Variants in IFFO1 observed in about 807,000 individuals in gnomAD.
IFFO1 encodes the protein non-homologous end joining factor IFFO1.
In IFFO1, 42 loss-of-function variants were observed where a neutral mutation model predicts 59.6. That is an observed-to-expected ratio of 0.70 (90% CI 0.55 to 0.91). IFFO1 has a LOEUF of 0.91. Ranked by LOEUF, IFFO1 falls within the 40% of genes least tolerant of loss-of-function variation. The pLI, the probability that IFFO1 is intolerant of heterozygous loss-of-function variation, is 0.00. For synonymous variants in IFFO1, 336 were observed against 342.8 expected (o/e 0.98, Z 0.22); for missense variants, 711 against 793.2 (o/e 0.90, Z 1.24).
chr12:6,545,112 G>A (rs1946892397), intron 8 of IFFO1, among the ~76,000 whole-genome samples: 1 of 152,062 alleles, frequency 6.6e-6, no homozygotes, highest in African/African-American at 2.4e-5. Flanking sequence ...CTACTCTGGA[G>A]GCTGAGGCAG....
At position 6,541,620 on chromosome 12, in the gene IFFO1, T is replaced by C. The variant is rs1946717179; in HGVS notation, c.1502A>G (p.Asn501Ser). 2.5e-6 allele frequency: 4 copies of C among 1,614,152 alleles called. No individual in the cohort carries two copies. The highest frequency in any genetic ancestry group is 3.4e-6 in the Non-Finnish European group (4 of 1,180,014). The change falls in exon 9 of 10, where the codon AAC (asparagine) becomes AGC (serine). Residue 501 changes from asparagine to serine, a missense_variant. Physicochemically the swap from Asn to Ser is conservative, Grantham distance 46. Coordinates refer to ENST00000619571, the MANE Select transcript of IFFO1 (RefSeq NM_001193457.2). The surrounding 1 kb of genome is among the most constrained non-coding windows in gnomAD (Gnocchi z 4.8). ...CTCGTGCAGGTGCCGGTTCATGTCG[T>C]TCTTGGCCGTGGCCAACTCCAGCTG... The part of the protein sequence containing the change: ...QIELELATAK[N>S]DMNRHLHEYM...
chr12:6,555,170 C>T lies in IFFO1; in HGVS notation c.773+87G>A. 1.5e-6 allele frequency: 2 copies of T among 1,324,586 alleles called. No homozygotes were observed. Among genetic ancestry groups the T allele is most frequent in the Non-Finnish European group, 2.2e-6 (2 of 918,422 alleles). 82.1% of individuals were successfully genotyped at this position (1,324,586 alleles called of 1,614,324 possible). A position where few individuals can be genotyped will look rare whatever the true frequency, so the allele number is the denominator to read the frequency against. On this transcript the variant is annotated intron_variant, in intron 1 of 9. Transcript: ENST00000619571. The surrounding 1 kb of genome is among the most constrained non-coding windows in gnomAD (Gnocchi z 8.6). ...CAAACTTTACTCTCATTCTTTTCAC[C>T]CCTGATTCTTCGGAACCCACACCAA...
At position 6,555,367 on chromosome 12, in the gene IFFO1, C is replaced by G; in HGVS notation, c.663G>C (p.Trp221Cys). ...PTLVQGPGLS[W>C]VHPDGVGVQI... The stretch of plus-strand genomic sequence containing the variant: ...GGACGCCCACCCCATCCGGGTGCAC[C>G]CACGACAAGCCAGGCCCTTGCACCA... Residue 221 changes from tryptophan (W) to cysteine (C), a missense_variant, in exon 1 of 10, where the codon TGG (tryptophan) becomes TGC (cysteine). Around this residue, in one of 3 missense-constraint regions of IFFO1, gnomAD observed 579 missense variants for 650.3 expected, o/e 0.89. Coordinates refer to ENST00000619571, the MANE Select transcript of IFFO1 (RefSeq NM_001193457.2). This position sits in a 1 kb window ranked among gnomAD's most constrained non-coding sequence, Gnocchi z 8.6. 2.5e-6 allele frequency: 4 copies of G among 1,614,224 alleles called. No homozygotes were observed. In the South Asian group the frequency reaches 4.4e-5, roughly 18 times the overall value.
intron 1 of IFFO1, chr12:6,551,532 T>C (rs1406327096): frequency 1.6e-6 from 2 of 1,237,046 alleles, no homozygotes; most frequent in Non-Finnish European, 2.1e-6. Context: ...ATCAACAGAG[T>C]GGGTCAAGAG....
intron 1 of IFFO1, among the ~76,000 whole-genome samples, chr12:6,552,758 T>A (rs1413652571): frequency 6.6e-6 from 1 of 151,848 alleles, no homozygotes; most frequent in East Asian, 1.9e-4. Context: ...TCTTACAGGG[T>A]AAAAAAAATC....
chr12:6,548,873 T>G lies in IFFO1; in HGVS notation c.1081-24A>C, dbSNP rs1394551293. Reference sequence around the variant, plus strand: ...GACTACAGAGACGAGGCCGGGTGCATGAGGAGAAAGGGCGGGAGCGGGAGG... The same window carrying G: ...GACTACAGAGACGAGGCCGGGTGCAGGAGGAGAAAGGGCGGGAGCGGGAGG... On this transcript the variant is annotated intron_variant, in intron 5 of 9. Transcript: ENST00000619571. This position sits in a 1 kb window ranked among gnomAD's most constrained non-coding sequence, Gnocchi z 6.1. 3 of 1,582,240 alleles carry G rather than the reference T, an allele frequency of 1.9e-6. No homozygotes were observed. Among genetic ancestry groups the G allele is most frequent in the African/African-American group, 2.8e-5 (2 of 72,710 alleles).
At chr12:6,550,550 G>T in intron 3 of IFFO1, 145 bp downstream of exon 3, 1 of 620,422 alleles carries the variant, frequency 1.6e-6, no homozygotes, top group Non-Finnish European at 2.9e-6. Flanking sequence ...CTGGAGTTAG[G>T]GGTGGCTAGG....
At chr12:6,544,327 T>C (rs908588811) in intron 8 of IFFO1, among the ~76,000 whole-genome samples, 1 of 151,950 alleles carries the variant, frequency 6.6e-6, no homozygotes, top group Non-Finnish European at 1.5e-5. Flanking sequence ...CCACAATGCC[T>C]GGCTACTTTT....
At chr12:6,546,690 C>T (rs1364381990) in intron 8 of IFFO1, among the ~76,000 whole-genome samples, 2 of 152,082 alleles carry the variant, frequency 1.3e-5, no homozygotes, top group Non-Finnish European at 2.9e-5. Context: ...GGGGTTTCAC[C>T]GTGTTAGCCA....
chr12:6,555,764 GC>G lies in IFFO1; in HGVS notation c.265del (p.Ala89ProfsTer160), dbSNP rs992616808. On this transcript the variant is annotated frameshift_variant, in exon 1 of 10. Transcript: ENST00000619571. LOFTEE classifies it high-confidence loss of function. The surrounding 1 kb of genome is among the most constrained non-coding windows in gnomAD (Gnocchi z 8.6). ...CCGGCGCTCCAGCTCATGCACCTTG[GC>G]CAGGAAGCAGCGGAACCGGAGGTTC... ...TLNLRFRCFLAKVHELERRNR... is the reference protein window; with the variant it reads ...TLNLRFRCFLXKVHELERRNR... 7.4e-6 allele frequency: 12 copies of G among 1,613,282 alleles called. No homozygotes were observed. Among genetic ancestry groups the G allele is most frequent in the Non-Finnish European group, 8.5e-7 (1 of 1,179,512 alleles).
chr12:6,555,595 C>T lies in IFFO1; in HGVS notation c.435G>A (p.Pro145=). ...RPLGLQLGAR[P]AAVCSPSARV... Reference sequence around the variant, plus strand: ...GCGCCGAAGGGCTGCAGACAGCGGCCGGCCGGGCGCCCAGCTGCAGCCCCA... The same window carrying T: ...GCGCCGAAGGGCTGCAGACAGCGGCTGGCCGGGCGCCCAGCTGCAGCCCCA... Residue 145 remains proline, a synonymous_variant, in exon 1 of 10, where the codon CCG becomes CCA. Coordinates refer to ENST00000619571, the MANE Select transcript of IFFO1 (RefSeq NM_001193457.2). The surrounding 1 kb of genome is among the most constrained non-coding windows in gnomAD (Gnocchi z 8.6). The T allele has an allele frequency of 7.1e-7, 1 of 1,410,108 alleles. No homozygotes were observed. Among genetic ancestry groups the T allele is most frequent in the Non-Finnish European group, 9.2e-7 (1 of 1,087,622 alleles). The allele number at this position is 1,410,108 out of a possible 1,614,324, so 87.3% of individuals were successfully genotyped here. A position where few individuals can be genotyped will look rare whatever the true frequency, so the allele number is the denominator to read the frequency against.
intron 1 of IFFO1, among the ~76,000 whole-genome samples, chr12:6,552,319 C>G (rs565013251): frequency 6.6e-6 from 1 of 152,226 alleles, no homozygotes; most frequent in African/African-American, 2.4e-5. Flanking sequence ...CTGGGCAGAG[C>G]AGGAGGAGGC....
In IFFO1 at chr12:6,541,726, C is replaced by A. The variant is rs1218310036; in HGVS notation, c.1480-84G>T. 1 of 1,566,050 alleles carries A rather than the reference C, an allele frequency of 6.4e-7. No homozygotes were observed. Among genetic ancestry groups the A allele is most frequent in the Non-Finnish European group, 8.7e-7 (1 of 1,147,178 alleles). On this transcript the variant is annotated intron_variant, in intron 8 of 9. Transcript: ENST00000619571. This position sits in a 1 kb window ranked among gnomAD's most constrained non-coding sequence, Gnocchi z 4.8. ...TGCCCCCGCCAGGAGGCCAACACGC[C>A]AAGAGCAGTGGCTGGGCCGGGGGCC...
chr12:6,541,485 G>T lies in IFFO1; in HGVS notation c.1610+27C>A. The T allele has an allele frequency of 6.2e-7, 1 of 1,611,512 alleles. No homozygotes were observed. The stretch of plus-strand genomic sequence containing the variant: ...TTCTCCCCGCTGTGTCCCCCTGGAA[G>T]GCCCCATGCCCAGGGGAGGCGCCTA... On this transcript the variant is annotated intron_variant, in intron 9 of 9. Transcript: ENST00000619571. This position sits in a 1 kb window ranked among gnomAD's most constrained non-coding sequence, Gnocchi z 4.8.
At chr12:6,545,194 G>A (rs1193871455) in intron 8 of IFFO1, among the ~76,000 whole-genome samples, 3 of 151,980 alleles carry the variant, frequency 2.0e-5, no homozygotes, top group Admixed American at 2.0e-4. Flanking sequence ...CAGCCTGGGC[G>A]ACACAGCGAG....
At position 6,540,189 on chromosome 12, in the gene IFFO1, C is replaced by A. The variant is rs780968176; in HGVS notation, c.*294G>T. On this transcript the variant is annotated 3_prime_UTR_variant, in exon 10 of 10. Transcript: ENST00000619571. ...CGTGGACAAGGTGAGGGGCCGCAAT[C>A]GCTCTGGCAGCATTTTAAAGATGGG... 4.0e-6 allele frequency: 2 copies of A among 505,638 alleles called. No individual in the cohort carries two copies. The highest frequency in any genetic ancestry group is 7.1e-6 in the Non-Finnish European group (2 of 281,416). The allele number at this position is 505,638 out of a possible 1,614,324, so 31.3% of individuals were successfully genotyped here.
Position 6,548,198 on chromosome 12 carries a change from A to C in IFFO1, c.1384-38T>G. 1 of 1,556,414 alleles carries C rather than the reference A, an allele frequency of 6.4e-7. No homozygotes were observed. The highest frequency in any genetic ancestry group is 8.9e-7 in the Non-Finnish European group (1 of 1,127,706). ...GGGAAGCGGGGGAGGCCAGCCAAGG[A>C]GGGATGGGATGGGACGCATTCCAAA... On this transcript the variant is annotated intron_variant, in intron 7 of 9. Transcript: ENST00000619571. The surrounding 1 kb of genome is among the most constrained non-coding windows in gnomAD (Gnocchi z 6.1).
At chr12:6,544,896 A>G (rs1482917811) in intron 8 of IFFO1, 4 of 152,244 alleles carry the variant, frequency 2.6e-5, no homozygotes, top group Non-Finnish European at 5.9e-5. Flanking sequence ...TTCCTTCTCA[A>G]ACACCTCCAA....
At chr12:6,545,288 C>T (rs917479012) in intron 8 of IFFO1, among the ~76,000 whole-genome samples, 1 of 152,078 alleles carries the variant, frequency 6.6e-6, no homozygotes, top group Admixed American at 6.6e-5. Context: ...TTTCACTTTC[C>T]ACGGCTTCAG....
Sources: allele counts gnomAD v4.1 joint callset (sites outside exome capture counted in the v4.1 genomes callset), GRCh38; gene constraint gnomAD v4.1.1; regional missense constraint gnomAD v4.1.1; non-coding constraint Gnocchi (gnomAD v3.1); transcripts MANE v1.5; gene names NCBI Gene and HGNC (gene_info 2026-07-23, HGNC 2026-07-21).